COL13A1: variants seen among roughly 807,000 people sequenced by gnomAD.
The protein encoded by COL13A1 is collagen type XIII alpha 1 chain.
Under a neutral mutation model 130.9 loss-of-function variants are expected in COL13A1, and 89 were observed. The ratio of observed to expected loss-of-function variants is 0.68; its 90% CI spans 0.57 to 0.81. The LOEUF (loss-of-function observed/expected upper bound fraction) is 0.81, where lower values mean the gene tolerates loss of function less well. COL13A1 is among the 30% of genes least tolerant of loss of function. The probability of loss-of-function intolerance (pLI) is 0.00; values close to 1 mark genes in which losing one functional copy is unlikely to be tolerated. For missense variants in COL13A1, 879 were observed against 934.6 expected (o/e 0.94, Z 0.78); for synonymous variants, 402 against 341.6 (o/e 1.18, Z -1.95).
At chr10:69,895,656 G>T (rs1422321174) in intron 13 of COL13A1, 80 bp downstream of exon 13, 1 of 1,489,594 alleles carries the variant, frequency 6.7e-7, no homozygotes. Context: ...CATCTCCCTG[G>T]GGTCTCCAGT....
intron 2 of COL13A1, among the ~76,000 whole-genome samples, chr10:69,830,042 G>A (rs914366909): frequency 3.3e-5 from 5 of 152,214 alleles, no homozygotes; most frequent in African/African-American, 9.6e-5. Flanking sequence ...GGAGGGTTCC[G>A]GAAAGGCCAG....
chr10:69,898,267 C>T (rs2061851934), intron 13 of COL13A1, among the ~76,000 whole-genome samples: 1 of 152,220 alleles, frequency 6.6e-6, no homozygotes, highest in Non-Finnish European at 1.5e-5. Context: ...CCCTTCTGTC[C>T]CCCAAGCAGG....
At chr10:69,860,611 G>A (rs777841715) in intron 2 of COL13A1, 39 of 167,010 alleles carry the variant, frequency 2.3e-4, no homozygotes, top group Admixed American at 5.9e-4. Context: ...GTGGCCTGGC[G>A]CCATCTTCTG....
chr10:69,881,472 G>T (rs899645422), intron 7 of COL13A1, among the ~76,000 whole-genome samples: 1 of 152,216 alleles, frequency 6.6e-6, no homozygotes, highest in East Asian at 1.9e-4. Flanking sequence ...CAGAGGGAGA[G>T]GGGCCAGAGA....
chr10:69,830,107 C>T (rs1449532199), intron 2 of COL13A1, among the ~76,000 whole-genome samples: 1 of 152,228 alleles, frequency 6.6e-6, no homozygotes, highest in Admixed American at 6.5e-5. Context: ...GAGCAGATTA[C>T]TCTCCTCTCT....
At chr10:69,841,155 C>T (rs1190114358) in intron 2 of COL13A1, among the ~76,000 whole-genome samples, 1 of 151,868 alleles carries the variant, frequency 6.6e-6, no homozygotes, top group Non-Finnish European at 1.5e-5. Context: ...TCTGCCCCTG[C>T]TCTTCCCTCT....
At chr10:69,810,346 A>AAGAGAGAG (rs1564723791) in intron 1 of COL13A1, among the ~76,000 whole-genome samples, 72 of 71,182 alleles carry the variant, frequency 1.0e-3, no homozygotes, top group African/African-American at 4.9e-4. Context: ...GGCCCTGAGA[A>AAGAGAGAG]TGAGAGAGAG....
rs1333209601 is a variant in COL13A1 at position 69,902,855 on chromosome 10, T to G, written c.858T>G (p.Pro286=). The G allele has an allele frequency of 1.3e-6, 2 of 1,523,916 alleles. No homozygotes were observed. Among genetic ancestry groups the G allele is most frequent in the Non-Finnish European group, 1.8e-6 (2 of 1,131,376 alleles). The allele number at this position is 1,523,916 out of a possible 1,614,324, so 94.4% of individuals were successfully genotyped here. A position where few individuals can be genotyped will look rare whatever the true frequency, so the allele number is the denominator to read the frequency against. The change falls in exon 15 of 41, where the codon CCT becomes CCG. Residue 286 remains proline, a splice_region_variant and synonymous_variant. Coordinates refer to ENST00000645393, the MANE Select transcript of COL13A1 (RefSeq NM_001368882.1). ...GACTGCCAGGGCCTATGGGGCCACC[T>G]GTAAGTATTCCCTTCCTCTCTCCTT... is the stretch of plus-strand genomic sequence containing the variant. ...HPGLPGPMGP[P]GLPGPPGPKG...
intron 2 of COL13A1, among the ~76,000 whole-genome samples, chr10:69,824,477 G>T (rs975825544): frequency 2.6e-5 from 4 of 152,208 alleles, no homozygotes; most frequent in Admixed American, 6.5e-5. Context: ...GGCTCAGGTA[G>T]TCCTGGGAGG....
At chr10:69,947,695 C>A (rs2068764762) in intron 38 of COL13A1, among the ~76,000 whole-genome samples, 1 of 152,198 alleles carries the variant, frequency 6.6e-6, no homozygotes, top group African/African-American at 2.4e-5. Flanking sequence ...CTTGTCCTTG[C>A]CCTCTGAAAC....
chr10:69,867,338 C>T (rs1158470877), intron 2 of COL13A1, among the ~76,000 whole-genome samples: 1 of 152,258 alleles, frequency 6.6e-6, no homozygotes, highest in African/African-American at 2.4e-5. Context: ...TCCACGCCCG[C>T]CCCTGCCTGC....
intron 23 of COL13A1, among the ~76,000 whole-genome samples, chr10:69,923,571 C>A (rs894260952): frequency 1.3e-5 from 2 of 152,146 alleles, no homozygotes; most frequent in African/African-American, 4.8e-5. Context: ...GTAAAGGGTA[C>A]AGAATGCAGG....
chr10:69,860,743 C>A, intron 2 of COL13A1: 2 of 259,054 alleles, frequency 7.7e-6, no homozygotes, highest in Non-Finnish European at 7.7e-6. Flanking sequence ...TTCCTGAGCC[C>A]CAGGCTGCTA....
intron 1 of COL13A1, among the ~76,000 whole-genome samples, chr10:69,804,240 C>G (rs1183336865): frequency 1.3e-5 from 2 of 151,780 alleles, no homozygotes; most frequent in Non-Finnish European, 2.9e-5. Flanking sequence ...TCTCGGGGGT[C>G]CTGGCTGCTG....
intron 27 of COL13A1, 39 bp from the exon 28 acceptor site, chr10:69,928,898 T>G: frequency 6.5e-7 from 1 of 1,543,868 alleles, no homozygotes; most frequent in Non-Finnish European, 8.9e-7. Flanking sequence ...CCCTCCTCCA[T>G]GGGACAGTTC....
At chr10:69,905,019 G>A (rs1043834710) in intron 16 of COL13A1, 60 bp downstream of exon 16, 44 of 1,536,830 alleles carry the variant, frequency 2.9e-5, no homozygotes, top group Middle Eastern at 3.6e-4. Flanking sequence ...AGGAGGGAGG[G>A]GGAGGCAGCA....
chr10:69,819,926 A>C, intron 1 of COL13A1, among the ~76,000 whole-genome samples: 1 of 152,142 alleles, frequency 6.6e-6, no homozygotes, highest in Non-Finnish European at 1.5e-5. Flanking sequence ...ATGCTCCATG[A>C]ACAATCCTGT....
chr10:69,852,486 G>A (rs923500694), intron 2 of COL13A1, among the ~76,000 whole-genome samples: 9 of 152,238 alleles, frequency 5.9e-5, no homozygotes, highest in Admixed American at 5.2e-4. Flanking sequence ...GCCCAAGCTC[G>A]ACTGCTAGAA....
intron 2 of COL13A1, among the ~76,000 whole-genome samples, chr10:69,855,230 T>C (rs1856067713): frequency 6.6e-6 from 1 of 152,080 alleles, no homozygotes; most frequent in Non-Finnish European, 1.5e-5. Context: ...TTCAGAGGGG[T>C]TGGTGGTGCC....
Sources: gnomAD v4.1 joint callset for allele counts (sites outside exome capture counted in the v4.1 genomes callset) on GRCh38, gnomAD v4.1.1 for gene constraint, MANE v1.5 for transcripts, NCBI Gene and HGNC (gene_info 2026-07-23, HGNC 2026-07-21) for gene names.